Variants in PLCB4 observed in about 807,000 individuals in gnomAD.
PLCB4 encodes the protein 1-phosphatidylinositol 4,5-bisphosphate phosphodiesterase beta-4.
In PLCB4, 77 loss-of-function variants were observed where a neutral mutation model predicts 178.8. That is an observed-to-expected ratio of 0.43 (90% confidence interval 0.36 to 0.52). The LOEUF (loss-of-function observed/expected upper bound fraction) is 0.52. PLCB4 is among the 20% of genes least tolerant of loss of function. The pLI is 0.00. For missense variants in PLCB4, 1,024 were observed against 1,453.4 expected, an observed-to-expected ratio of 0.70 and a Z score of 4.80; for synonymous variants, 496 against 490.8, an observed-to-expected ratio of 1.01 and a Z score of -0.14.
intron 3 of PLCB4, among the ~76,000 whole-genome samples, chr20:9,223,627 G>C (rs1420580836): frequency 6.6e-6 from 1 of 152,168 alleles, no homozygotes; most frequent in Non-Finnish European, 1.5e-5. Flanking sequence ...TCATAGCATG[G>C]CAGCTTCAGA....
intron 3 of PLCB4, among the ~76,000 whole-genome samples, chr20:9,253,857 CT>C (rs948791275): frequency 3.9e-5 from 6 of 152,132 alleles, no homozygotes; most frequent in Admixed American, 3.9e-4. Context: ...GCTGGATCTG[CT>C]GGGTTTCTCT....
intron 2 of PLCB4, among the ~76,000 whole-genome samples, chr20:9,169,750 A>G (rs761840615): frequency 2.0e-5 from 3 of 152,080 alleles, no homozygotes; most frequent in Non-Finnish European, 4.4e-5. Flanking sequence ...CCTCCACAAC[A>G]TTGTTTGTGA....
At chr20:9,286,463 C>G (rs2094537474) in intron 3 of PLCB4, among the ~76,000 whole-genome samples, 1 of 152,056 alleles carries the variant, frequency 6.6e-6, no homozygotes, top group African/African-American at 2.4e-5. Flanking sequence ...ATGTTTACAT[C>G]TATTTCTTCA....
intron 2 of PLCB4, among the ~76,000 whole-genome samples, chr20:9,195,025 G>T (rs1336135328): frequency 1.3e-5 from 2 of 152,128 alleles, no homozygotes; most frequent in African/African-American, 4.8e-5. Context: ...TAGGAAGTTT[G>T]GTTTTTCTCT....
intron 2 of PLCB4, among the ~76,000 whole-genome samples, chr20:9,197,939 C>T (rs1007809010): frequency 2.0e-5 from 3 of 152,112 alleles, no homozygotes; most frequent in Middle Eastern, 3.4e-3. Context: ...TGTGCCATTG[C>T]ACTCCAGCCT....
intron 7 of PLCB4, among the ~76,000 whole-genome samples, chr20:9,348,590 C>T (rs2034039997): frequency 6.6e-6 from 1 of 152,108 alleles, no homozygotes; most frequent in African/African-American, 2.4e-5. Flanking sequence ...TGTTCTGTCT[C>T]TGTGGCACAT....
intron 28 of PLCB4, among the ~76,000 whole-genome samples, chr20:9,427,852 T>C (rs560856979): frequency 5.6e-4 from 86 of 152,310 alleles, no homozygotes; most frequent in African/African-American, 2.0e-3. Context: ...AGCATTGTAT[T>C]GAAATGTCAC....
chr20:9,119,991 G>A (rs997099924), intron 2 of PLCB4, among the ~76,000 whole-genome samples: 2 of 152,164 alleles, frequency 1.3e-5, no homozygotes, highest in African/African-American at 2.4e-5. Context: ...GATACCAGCC[G>A]GTCGGACACA....
chr20:9,359,687 A>G (rs1400166783), intron 7 of PLCB4, among the ~76,000 whole-genome samples: 1 of 152,134 alleles, frequency 6.6e-6, no homozygotes, highest in African/African-American at 2.4e-5. Context: ...CATCCAGCCA[A>G]TGACTTGTGT....
At chr20:9,234,519 A>G (rs573517176) in intron 3 of PLCB4, among the ~76,000 whole-genome samples, 2 of 152,164 alleles carry the variant, frequency 1.3e-5, no homozygotes. Context: ...GAGATTGTAG[A>G]ATCACTGTCA....
At chr20:9,102,199 C>A (rs956033483) in intron 2 of PLCB4, among the ~76,000 whole-genome samples, 3 of 152,022 alleles carry the variant, frequency 2.0e-5, no homozygotes, top group African/African-American at 4.8e-5. Flanking sequence ...ACAAAGATTG[C>A]GGTAACTGAG....
intron 2 of PLCB4, among the ~76,000 whole-genome samples, chr20:9,203,056 A>AAAATAT (rs769628056): frequency 2.0e-4 from 25 of 126,140 alleles, no homozygotes; most frequent in Admixed American, 1.3e-3. Context: ...AAAAAAAAAA[A>AAAATAT]ATATATATAT....
intron 2 of PLCB4, among the ~76,000 whole-genome samples, chr20:9,192,116 A>C (rs1055221390): frequency 6.6e-6 from 1 of 152,034 alleles, no homozygotes; most frequent in Non-Finnish European, 1.5e-5. Context: ...AAACAGTGGG[A>C]CTCAACAAGG....
intron 7 of PLCB4, among the ~76,000 whole-genome samples, chr20:9,350,749 G>A (rs1181908718): frequency 1.3e-5 from 2 of 152,044 alleles, no homozygotes; most frequent in Non-Finnish European, 2.9e-5. Context: ...AGTAGAGACC[G>A]GGTTTCACCA....
chr20:9,178,961 A>G (rs1479937762), intron 2 of PLCB4, among the ~76,000 whole-genome samples: 1 of 152,216 alleles, frequency 6.6e-6, no homozygotes, highest in East Asian at 1.9e-4. Context: ...TCTAACAGCT[A>G]TTATGTTTAA....
Position 9,293,401 on chromosome 20 carries a change from A to G in PLCB4, c.-15-14399A>G, listed in dbSNP as rs187441761. Reference sequence around the variant, plus strand: ...AAAGGGAAGGAAAGGGAAGGAAAGGAAAGGGAAGGGAAGGGAAGGGAAGAA... The same window carrying G: ...AAAGGGAAGGAAAGGGAAGGAAAGGGAAGGGAAGGGAAGGGAAGGGAAGAA... On this transcript the variant is annotated intron_variant, in intron 3 of 39. Coordinates refer to ENST00000378473, the MANE Select transcript of PLCB4 (RefSeq NM_001377142.1). Among the ~76,000 whole-genome samples, 731 of 144,958 alleles carry G rather than the reference A, an allele frequency of 5.0e-3. 7 individuals carry two copies. Among genetic ancestry groups the G allele is most frequent in the African/African-American group, 0.017 (660 of 38,836 alleles).
chr20:9,387,582 CTT>C (rs750856843), intron 15 of PLCB4, 26 bp downstream of exon 15: 1 of 1,062,380 alleles, frequency 9.4e-7, no homozygotes. Context: ...ATTACACAGA[CTT>C]TTCCAAACTC....
At chr20:9,078,134 G>C (rs1420711422) in intron 1 of PLCB4, among the ~76,000 whole-genome samples, 3 of 151,684 alleles carry the variant, frequency 2.0e-5, no homozygotes, top group Non-Finnish European at 4.4e-5. Flanking sequence ...GCGCACACTA[G>C]CACACCTGGC....
chr20:9,090,020 G>T (rs2090604969), intron 1 of PLCB4, among the ~76,000 whole-genome samples: 1 of 152,158 alleles, frequency 6.6e-6, no homozygotes, highest in African/African-American at 2.4e-5. Context: ...TTGGAGCAGA[G>T]ATTTTCAAAG....
Sources: allele counts gnomAD v4.1 joint callset (sites outside exome capture counted in the v4.1 genomes callset), GRCh38; gene constraint gnomAD v4.1.1; transcripts MANE v1.5; gene names NCBI Gene and HGNC (gene_info 2026-07-23, HGNC 2026-07-21).